The following TEKT5 variants were observed in gnomAD, a reference collection of about 807,000 sequenced individuals.
The protein encoded by TEKT5 is tektin-5.
TEKT5 carries 52 observed loss-of-function variants against 48.7 expected under a neutral mutation model. The ratio of observed to expected loss-of-function variants is 1.07; its 90% confidence interval spans 0.86 to 1.35. The LOEUF (loss-of-function observed/expected upper bound fraction) is 1.35, where lower values mean the gene tolerates loss of function less well. TEKT5 is among the 40% of genes most tolerant of loss of function. The pLI, the probability that TEKT5 is intolerant of heterozygous loss-of-function variation, is 0.00. For synonymous variants in TEKT5, 318 were observed against 267.6 expected, an observed-to-expected ratio of 1.19 and a Z score of -1.84; for missense variants, 831 against 641.6, an observed-to-expected ratio of 1.30 and a Z score of -3.19.
chr16:10,667,979 G>A (rs1898486994), intron 5 of TEKT5, among the ~76,000 whole-genome samples: 1 of 151,940 alleles, frequency 6.6e-6, no homozygotes, highest in Non-Finnish European at 1.5e-5. Context: ...CCAGGTTCAA[G>A]TCATTCTCCT....
intron 5 of TEKT5, among the ~76,000 whole-genome samples, chr16:10,666,029 G>A (rs181548005): frequency 3.3e-5 from 5 of 152,266 alleles, no homozygotes; most frequent in South Asian, 4.1e-4. Flanking sequence ...GGTGGACCTC[G>A]GAGTTTGAGA....
At chr16:10,669,783 T>C (rs1267147063) in intron 5 of TEKT5, among the ~76,000 whole-genome samples, 1 of 151,988 alleles carries the variant, frequency 6.6e-6, no homozygotes, top group Non-Finnish European at 1.5e-5. Flanking sequence ...TAATTGCATG[T>C]AAATGAGGGG....
intron 5 of TEKT5, among the ~76,000 whole-genome samples, chr16:10,638,423 G>C (rs976398317): frequency 1.4e-4 from 21 of 151,020 alleles, no homozygotes; most frequent in African/African-American, 5.0e-4. Context: ...AGGCTGTCTT[G>C]ACACCCCTTC....
chr16:10,683,836 G>A (rs760968493), intron 3 of TEKT5, among the ~76,000 whole-genome samples: 5 of 152,170 alleles, frequency 3.3e-5, no homozygotes, highest in Non-Finnish European at 5.9e-5. Context: ...CAGGCGATCC[G>A]CCTGCCTTGG....
chr16:10,633,223 T>C (rs1295706726), intron 6 of TEKT5, among the ~76,000 whole-genome samples: 1 of 152,078 alleles, frequency 6.6e-6, no homozygotes, highest in African/African-American at 2.4e-5. Context: ...TAGCCGAGCA[T>C]GGTGGCAGGC....
rs1346012556 is a variant in TEKT5 at position 10,640,016 on chromosome 16, GTCTTTCTCTTCCCCTTCTCCT to G, written c.1087-4119_1087-4099del. On this transcript the variant is annotated intron_variant, in intron 5 of 6. Coordinates refer to ENST00000283025, the MANE Select transcript of TEKT5 (RefSeq NM_144674.2). ...TTCTTCCTCCTCTTCCTCCTCCTCA[GTCTTTCTCTTCCCCTTCTCCT>G]TCTTTCTCTTCCTCCTCCTCCTCCT... 2.7e-5 allele frequency among the ~76,000 whole-genome samples: 4 copies of G among 147,090 alleles called. 1 individual carries two copies. The South Asian group carries it at 6.6e-4, about 24-fold the overall frequency.
chr16:10,666,247 T>TGTTCATGA (rs1654913099), intron 5 of TEKT5, among the ~76,000 whole-genome samples: 1 of 152,180 alleles, frequency 6.6e-6, no homozygotes, highest in African/African-American at 2.4e-5. Flanking sequence ...GCAATTGGCC[T>TGTTCATGA]GTTCAGGCAA....
chr16:10,641,658 G>GA (rs1276506445), intron 5 of TEKT5, among the ~76,000 whole-genome samples: 1 of 152,012 alleles, frequency 6.6e-6, no homozygotes, highest in Non-Finnish European at 1.5e-5. Context: ...TTGTCTCCAC[G>GA]AAAAATAGAC....
intron 1 of TEKT5, among the ~76,000 whole-genome samples, chr16:10,691,947 CAAAAAAAAA>C: frequency 9.6e-6 from 1 of 103,672 alleles, no homozygotes; most frequent in South Asian, 3.4e-4. Flanking sequence ...GAGTCCATCT[CAAAAAAAAA>C]AAAAAAAAGG....
At chr16:10,638,883 A>G (rs539484665) in intron 5 of TEKT5, among the ~76,000 whole-genome samples, 3 of 152,350 alleles carry the variant, frequency 2.0e-5, no homozygotes, top group African/African-American at 7.2e-5. Context: ...GATGTAAAAC[A>G]AAAAGTACTA....
At position 10,631,272 on chromosome 16, in the gene TEKT5, A is replaced by AAG. The variant is rs557009066; in HGVS notation, c.1242-3475_1242-3474dup. On this transcript the variant is annotated intron_variant, in intron 6 of 6. Transcript: ENST00000283025. ...CTCCATCTCAAAAAAAAAAAAAAAA[A>AAG]AGAGAGAGAGAGAGAGAGAAAAGCA... Among the ~76,000 whole-genome samples, 62 of 128,836 alleles carry AAG rather than the reference A, an allele frequency of 4.8e-4. 1 individual carries two copies. Among genetic ancestry groups the AAG allele is most frequent in the East Asian group, 1.6e-3 (7 of 4,370 alleles). The allele number at this position is 128,836 out of a possible 152,430, so 84.5% of individuals were successfully genotyped here.
intron 4 of TEKT5, among the ~76,000 whole-genome samples, chr16:10,677,915 T>C (rs1898677607): frequency 6.6e-6 from 1 of 152,104 alleles, no homozygotes; most frequent in African/African-American, 2.4e-5. Context: ...GGAGAATGGA[T>C]CTGGGGAGAT....
At position 10,694,350 on chromosome 16, in the gene TEKT5, C is replaced by G; in HGVS notation, c.524G>C (p.Arg175Pro). ...CACCTCATTGGCCGCGCACTCCAGC[C>G]GCCTCTTGACCGTCTCCAAGTTCTG... ...ENQNLETVKR[R>P]LECAANEVNC... Residue 175 changes from arginine (R) to proline (P), a missense_variant, in exon 1 of 7, where the codon CGG becomes CCG. By Grantham distance (103) the Arg-to-Pro change is moderately radical. Transcript: ENST00000283025. The G allele has an allele frequency of 6.2e-7, 1 of 1,611,808 alleles. No homozygotes were observed. The highest frequency in any genetic ancestry group is 8.5e-7 in the Non-Finnish European group (1 of 1,178,784).
At chr16:10,637,832 A>G (rs536219997) in intron 5 of TEKT5, among the ~76,000 whole-genome samples, 1 of 152,302 alleles carries the variant, frequency 6.6e-6, no homozygotes, top group Non-Finnish European at 1.5e-5. Flanking sequence ...TTTTTTTGAG[A>G]CAGGGTCTTG....
Position 10,642,851 on chromosome 16 carries a change from G to C in TEKT5, c.1087-6933C>G, listed in dbSNP as rs7199807. On this transcript the variant is annotated intron_variant, in intron 5 of 6. Transcript: ENST00000283025. ...CTGGGAAGGGGAAGGGAAAGGGTGGGGGATAGAGAGTGAGTTCTTAAAGGA... is the reference window on the plus strand; with the variant it reads ...CTGGGAAGGGGAAGGGAAAGGGTGGCGGATAGAGAGTGAGTTCTTAAAGGA... Among the ~76,000 whole-genome samples the C allele has an allele frequency of 2.0e-5, 3 of 152,176 alleles. No homozygotes were observed. The East Asian group carries it at 5.8e-4, about 29-fold the overall frequency.
intron 5 of TEKT5, among the ~76,000 whole-genome samples, chr16:10,668,128 C>T (rs2142293313): frequency 6.6e-6 from 1 of 152,304 alleles, no homozygotes; most frequent in Middle Eastern, 3.4e-3. Flanking sequence ...ATCTGCTTGC[C>T]TTGGCTTCCC....
intron 3 of TEKT5, among the ~76,000 whole-genome samples, chr16:10,683,749 C>T (rs532774278): frequency 2.6e-4 from 40 of 152,274 alleles, no homozygotes; most frequent in African/African-American, 9.6e-4. Context: ...CGCCACCACT[C>T]CCGGCTGATT....
At chr16:10,663,800 T>C (rs1548954) in intron 5 of TEKT5, among the ~76,000 whole-genome samples, 68,796 of 152,106 alleles carry the variant, frequency 0.45, 16,799 homozygotes, top group East Asian at 0.81. Flanking sequence ...TGTCTCCAGA[T>C]ATTGGCAAAT....
At chr16:10,657,203 G>A (rs1301648423) in intron 5 of TEKT5, among the ~76,000 whole-genome samples, 1 of 149,434 alleles carries the variant, frequency 6.7e-6, no homozygotes, top group Non-Finnish European at 1.5e-5. Flanking sequence ...TTGGTTCACT[G>A]CAACCTCCGT....
Sources: gnomAD v4.1 joint callset for allele counts (sites outside exome capture counted in the v4.1 genomes callset) on GRCh38, gnomAD v4.1.1 for gene constraint, MANE v1.5 for transcripts, NCBI Gene and HGNC (gene_info 2026-07-23, HGNC 2026-07-21) for gene names.